The following PCDHGA7 variants were observed in gnomAD, a reference collection of about 807,000 sequenced individuals.
The protein encoded by PCDHGA7 is protocadherin gamma subfamily A, 7, also known as protocadherin gamma-A7.
Under a neutral mutation model 58.3 loss-of-function variants are expected in PCDHGA7, and 44 were observed. That is an observed-to-expected ratio of 0.75 (90% CI 0.59 to 0.97). PCDHGA7 has a LOEUF of 0.97. Among genes scored for constraint, PCDHGA7 ranks in the 50% least tolerant of loss-of-function variants. The pLI is 0.00. For missense variants in PCDHGA7, 1,266 were observed against 1,188.7 expected, an observed-to-expected ratio of 1.06 and a Z score of -0.96; for synonymous variants, 516 against 504.2, an observed-to-expected ratio of 1.02 and a Z score of -0.31.
At chr5:141,388,348 G>A in intron 1 of PCDHGA7, 1 of 1,613,974 alleles carries the variant, frequency 6.2e-7, no homozygotes, top group South Asian at 1.1e-5. Flanking sequence ...TTTATATTAG[G>A]ATCTGCCCAT....
intron 1 of PCDHGA7, chr5:141,421,282 A>G (rs762064258): frequency 7.4e-6 from 12 of 1,613,034 alleles, no homozygotes; most frequent in Non-Finnish European, 1.0e-5. Context: ...GCTGCTGTGC[A>G]TTTTCCTGGG....
rs1003050993 is a variant in PCDHGA7, at chr5:141,477,637, T to A, written c.2425-17170T>A. ...AAGGAGCTGAAACCGGGCTAGTGGG[T>A]CGCTATTTCACAATAAATCGTGACA... On this transcript the variant is annotated intron_variant, in intron 1 of 3. Transcript: ENST00000518325. This position sits in a 1 kb window ranked among gnomAD's most constrained non-coding sequence, Gnocchi z 4.9. 6.2e-7 allele frequency: 1 copy of A among 1,614,154 alleles called. No individual in the cohort carries two copies. Among genetic ancestry groups the A allele is most frequent in the African/African-American group, 1.3e-5 (1 of 75,040 alleles).
chr5:141,422,691 C>A, intron 1 of PCDHGA7: 1 of 1,603,878 alleles, frequency 6.2e-7, no homozygotes, highest in Non-Finnish European at 8.5e-7. Flanking sequence ...ATGCCCTGGT[C>A]ACTTACTCTC....
intron 1 of PCDHGA7, chr5:141,404,643 AC>A (rs769032535): frequency 2.5e-6 from 4 of 1,614,126 alleles, no homozygotes; most frequent in East Asian, 4.5e-5. Flanking sequence ...GAAATCCTGT[AC>A]CCTGCCCTCC....
At position 141,493,332 on chromosome 5, in the gene PCDHGA7, C is replaced by T. The variant is rs2099747680; in HGVS notation, c.2425-1475C>T. 6.6e-6 allele frequency among the ~76,000 whole-genome samples: 1 copy of T among 152,210 alleles called. No homozygotes were observed. The highest frequency in any genetic ancestry group is 1.5e-5 in the Non-Finnish European group (1 of 68,036). Reference sequence around the variant, plus strand: ...AAGAGAGATTCTAACCCCTGTCTAACTCCAGAATGTGTGCTTTTAATTTCT... The same window carrying T: ...AAGAGAGATTCTAACCCCTGTCTAATTCCAGAATGTGTGCTTTTAATTTCT... On this transcript the variant is annotated intron_variant, in intron 1 of 3. Transcript: ENST00000518325. This position sits in a 1 kb window ranked among gnomAD's most constrained non-coding sequence, Gnocchi z 4.3.
chr5:141,489,375 G>T lies in PCDHGA7; in HGVS notation c.2425-5432G>T. 6.2e-7 allele frequency: 1 copy of T among 1,613,826 alleles called. No homozygotes were observed. Among genetic ancestry groups the T allele is most frequent in the Non-Finnish European group, 8.5e-7 (1 of 1,179,724 alleles). On this transcript the variant is annotated intron_variant, in intron 1 of 3. Transcript: ENST00000518325. This position sits in a 1 kb window ranked among gnomAD's most constrained non-coding sequence, Gnocchi z 4.5. ...AGGAGTCTGAGCCGGGGACGCTGGT[G>T]GGGAATGTTGCTCAGGATCTGGGCT...
At position 141,383,532 on chromosome 5, in the gene PCDHGA7, C is replaced by T. The variant is rs1249909520; in HGVS notation, c.633C>T (p.Val211=). Residue 211 remains valine (V), a synonymous_variant, in exon 1 of 4, where the codon GTC becomes GTT. Transcript: ENST00000518325. ...AGGAAGAGCGGGTTCACCACCTGGT[C>T]CTCACAGCCTCTGATGGCGGCGACC... The part of the protein sequence containing the change: ...DREEERVHHL[V]LTASDGGDPP... 2.5e-6 allele frequency: 4 copies of T among 1,612,320 alleles called. No homozygotes were observed. Among genetic ancestry groups the T allele is most frequent in the Non-Finnish European group, 3.4e-6 (4 of 1,179,286 alleles).
chr5:141,438,700 AC>A (rs2098052453), intron 1 of PCDHGA7, among the ~76,000 whole-genome samples: 1 of 144,406 alleles, frequency 6.9e-6, no homozygotes, highest in Non-Finnish European at 1.5e-5. Context: ...TTGCTCTGTC[AC>A]CCAGGCTGGA....
chr5:141,467,162 C>T (rs765574629), intron 1 of PCDHGA7, among the ~76,000 whole-genome samples: 1 of 151,724 alleles, frequency 6.6e-6, no homozygotes, highest in Non-Finnish European at 1.5e-5. Flanking sequence ...AAGTGATTCT[C>T]ATCTCTCAGC....
chr5:141,488,131 G>A (rs2099672034), intron 1 of PCDHGA7, among the ~76,000 whole-genome samples: 1 of 152,202 alleles, frequency 6.6e-6, no homozygotes, highest in Non-Finnish European at 1.5e-5. Context: ...GCAGAAAGAG[G>A]AGAGAACTAA....
At chr5:141,414,623 C>T (rs998923536) in intron 1 of PCDHGA7, 2 of 1,613,820 alleles carry the variant, frequency 1.2e-6, no homozygotes, top group African/African-American at 1.3e-5. Flanking sequence ...GCGCTGGACC[C>T]GGACAGCAAA....
At chr5:141,385,370 A>G (rs1165174523) in intron 1 of PCDHGA7, 47 bp downstream of exon 1, 1 of 1,530,088 alleles carries the variant, frequency 6.5e-7, no homozygotes, top group South Asian at 1.3e-5. Flanking sequence ...TATTTGCATG[A>G]TATTTCTCTA....
chr5:141,432,495 C>G lies in PCDHGA7; in HGVS notation c.2424+47172C>G. 1.2e-6 allele frequency: 2 copies of G among 1,614,182 alleles called. No individual in the cohort carries two copies. The highest frequency in any genetic ancestry group is 1.7e-6 in the Non-Finnish European group (2 of 1,180,048). On this transcript the variant is annotated intron_variant, in intron 1 of 3. Coordinates refer to ENST00000518325, the MANE Select transcript of PCDHGA7 (RefSeq NM_018920.4). The surrounding 1 kb of genome is among the most constrained non-coding windows in gnomAD (Gnocchi z 6.0). ...GGTTCCACTGGCGTGGAGCTGGCTC[C>G]CCGCTCCGCAGAGCCCGGCTACCTG...
At chr5:141,434,193 T>C (rs2097677103) in intron 1 of PCDHGA7, among the ~76,000 whole-genome samples, 1 of 152,246 alleles carries the variant, frequency 6.6e-6, no homozygotes, top group Non-Finnish European at 1.5e-5. Flanking sequence ...GTAATTCCAA[T>C]GTACTTACTT....
intron 1 of PCDHGA7, among the ~76,000 whole-genome samples, chr5:141,484,837 T>C (rs1289449270): frequency 6.6e-6 from 1 of 151,620 alleles, no homozygotes; most frequent in Non-Finnish European, 1.5e-5. Context: ...GGCGAAAAGA[T>C]AGGCTGGGTT....
At chr5:141,399,836 T>C (rs2093900703) in intron 1 of PCDHGA7, 2 of 1,613,080 alleles carry the variant, frequency 1.2e-6, no homozygotes, top group East Asian at 2.2e-5. Context: ...GGCTCTGCGC[T>C]CTTCGATATG....
intron 1 of PCDHGA7, among the ~76,000 whole-genome samples, chr5:141,459,692 G>A (rs891511502): frequency 2.6e-5 from 4 of 152,134 alleles, no homozygotes; most frequent in African/African-American, 9.7e-5. Flanking sequence ...AAAGCGTTCC[G>A]CTTGCTACAT....
intron 2 of PCDHGA7, among the ~76,000 whole-genome samples, chr5:141,499,884 C>T (rs917762715): frequency 2.0e-5 from 3 of 152,014 alleles, no homozygotes; most frequent in Admixed American, 6.5e-5. Flanking sequence ...AACAGGGTTT[C>T]GCCATGTTGG....
intron 1 of PCDHGA7, chr5:141,404,757 C>T (rs759444247): frequency 3.1e-6 from 5 of 1,613,918 alleles, no homozygotes; most frequent in Non-Finnish European, 4.2e-6. Flanking sequence ...GGCCAGAATG[C>T]TTGGCTCTCC....
Sources: gnomAD v4.1 joint callset for allele counts (sites outside exome capture counted in the v4.1 genomes callset) on GRCh38, gnomAD v4.1.1 for gene constraint, Gnocchi (gnomAD v3.1) non-coding constraint, MANE v1.5 for transcripts, NCBI Gene and HGNC (gene_info 2026-07-23, HGNC 2026-07-21) for gene names.